Variants in NCOA1 observed in about 807,000 individuals in gnomAD.
NCOA1 encodes Hin-2 protein.
In NCOA1, 35 loss-of-function variants were observed where a neutral mutation model predicts 150.9. The observed-to-expected ratio is 0.23, with a 90% CI of 0.18 to 0.31. NCOA1 has a LOEUF of 0.31. NCOA1 is among the 10% of genes least tolerant of loss of function. The probability of loss-of-function intolerance (pLI) is 1.00; values close to 1 mark genes in which losing one functional copy is unlikely to be tolerated. For synonymous variants in NCOA1, 590 were observed against 630.0 expected (o/e 0.94, Z 0.95); for missense variants, 1,491 against 1,749.3 (o/e 0.85, Z 2.63).
chr2:24,680,952 C>A (rs1302106337), intron 7 of NCOA1, among the ~76,000 whole-genome samples: 1 of 151,966 alleles, frequency 6.6e-6, no homozygotes, highest in Non-Finnish European at 1.5e-5. Flanking sequence ...TTACGATAGT[C>A]ATTTTTAAAT....
intron 2 of NCOA1, among the ~76,000 whole-genome samples, chr2:24,565,605 G>A (rs1464900741): frequency 2.6e-5 from 4 of 152,342 alleles, no homozygotes; most frequent in Middle Eastern, 3.4e-3. Context: ...AGAAACTTCT[G>A]TGGCTGGTGG....
At chr2:24,628,203 G>A (rs1669519548) in intron 3 of NCOA1, among the ~76,000 whole-genome samples, 2 of 151,984 alleles carry the variant, frequency 1.3e-5, no homozygotes, top group African/African-American at 2.4e-5. Flanking sequence ...GGGACGCTGA[G>A]GCAGGAGAAT....
chr2:24,599,551 G>A (rs1359735380), intron 3 of NCOA1, among the ~76,000 whole-genome samples: 2 of 152,048 alleles, frequency 1.3e-5, no homozygotes, highest in Non-Finnish European at 2.9e-5. Context: ...TTATACGTAG[G>A]ATTTTTAAAA....
At chr2:24,665,117 G>A (rs1671356973) in intron 5 of NCOA1, among the ~76,000 whole-genome samples, 1 of 151,922 alleles carries the variant, frequency 6.6e-6, no homozygotes. Context: ...TTTGTTTATT[G>A]CATTTATAGG....
intron 6 of NCOA1, among the ~76,000 whole-genome samples, chr2:24,667,733 C>G (rs2148509735): frequency 6.6e-6 from 1 of 152,318 alleles, no homozygotes; most frequent in African/African-American, 2.4e-5. Context: ...GGCAGGCACA[C>G]TCTGCCCCTG....
chr2:24,661,271 T>A (rs72796102), intron 5 of NCOA1, among the ~76,000 whole-genome samples: 26 of 152,324 alleles, frequency 1.7e-4, no homozygotes, highest in Non-Finnish European at 3.1e-4. Context: ...GATAAACTGA[T>A]CACCTTTTTT....
intron 3 of NCOA1, among the ~76,000 whole-genome samples, chr2:24,619,982 C>G (rs1305876211): frequency 6.6e-6 from 1 of 152,088 alleles, no homozygotes; most frequent in Non-Finnish European, 1.5e-5. Flanking sequence ...TGGCCACATC[C>G]TACCTCTTCC....
intron 1 of NCOA1, among the ~76,000 whole-genome samples, chr2:24,523,299 G>T (rs1454304998): frequency 1.3e-5 from 2 of 152,032 alleles, no homozygotes; most frequent in South Asian, 4.2e-4. Context: ...TACATCATGG[G>T]TACCATTGTT....
chr2:24,737,341 A>T (rs1245559178), intron 17 of NCOA1, among the ~76,000 whole-genome samples: 1 of 152,178 alleles, frequency 6.6e-6, no homozygotes, highest in African/African-American at 2.4e-5. Flanking sequence ...AACAAGGGTT[A>T]ATTCAAGGGC....
chr2:24,514,285 C>CAA lies in NCOA1; in HGVS notation c.-396+22703_-396+22704dup, dbSNP rs57412614. ...TGGGCAACAGAGTGAGACTCTGTCT[C>CAA]AAAAAAAAAAAAAAAAAAAAAGGAA... On this transcript the variant is annotated intron_variant, in intron 1 of 22. Coordinates refer to ENST00000348332, the MANE Select transcript of NCOA1 (RefSeq NM_003743.5). 9.2e-3 allele frequency among the ~76,000 whole-genome samples: 301 copies of CAA among 32,562 alleles called. 10 individuals carry two copies. Among genetic ancestry groups the CAA allele is most frequent in the Non-Finnish European group, 0.011 (191 of 17,722 alleles). 21.4% of individuals were successfully genotyped at this position (32,562 alleles called of 152,430 possible). A position where few individuals can be genotyped will look rare whatever the true frequency, so the allele number is the denominator to read the frequency against.
intron 1 of NCOA1, among the ~76,000 whole-genome samples, chr2:24,492,483 A>T (rs113947563): frequency 1.3e-5 from 2 of 152,254 alleles, no homozygotes; most frequent in African/African-American, 4.8e-5. Flanking sequence ...CAGTCTGACG[A>T]CGTTAGAGGG....
At chr2:24,524,560 G>A (rs190581762) in intron 1 of NCOA1, among the ~76,000 whole-genome samples, 18 of 152,232 alleles carry the variant, frequency 1.2e-4, no homozygotes, top group Non-Finnish European at 2.6e-4. Context: ...CTCCCAAAAT[G>A]CTAAGATTAT....
intron 5 of NCOA1, among the ~76,000 whole-genome samples, chr2:24,663,816 G>T (rs1323507543): frequency 6.6e-6 from 1 of 152,018 alleles, no homozygotes; most frequent in Non-Finnish European, 1.5e-5. Flanking sequence ...TTAGCTTCTT[G>T]CTTTCTCTAT....
At chr2:24,611,568 G>A (rs1165398274) in intron 3 of NCOA1, among the ~76,000 whole-genome samples, 1 of 152,154 alleles carries the variant, frequency 6.6e-6, no homozygotes. Context: ...CACTAAAAAT[G>A]TATAAGCATT....
At position 24,707,256 on chromosome 2, in the gene NCOA1, A is replaced by G. The variant is rs371097965; in HGVS notation, c.1786A>G (p.Ile596Val). Residue 596 changes from isoleucine to valine, a missense_variant, in exon 13 of 23, where the codon ATT (isoleucine) becomes GTT (valine). Transcript: ENST00000348332. ...GATTGCCTCAATTTTAAATGAAATG[A>G]TTCAATCTGACAACAGCTCTAGTGA... The part of the protein sequence containing the change: ...KEIASILNEM[I>V]QSDNSSSDGK... 26 of 1,614,226 alleles carry G rather than the reference A, an allele frequency of 1.6e-5. No homozygotes were observed. The highest frequency in any genetic ancestry group is 1.4e-5 in the Non-Finnish European group (16 of 1,180,034).
At chr2:24,550,159 A>C (rs1004189825) in intron 1 of NCOA1, among the ~76,000 whole-genome samples, 1 of 152,090 alleles carries the variant, frequency 6.6e-6, no homozygotes, top group Non-Finnish European at 1.5e-5. Context: ...AAAGTTTGAA[A>C]CTTTCCCACA....
chr2:24,499,898 T>C (rs1201370677), intron 1 of NCOA1, among the ~76,000 whole-genome samples: 1 of 152,256 alleles, frequency 6.6e-6, no homozygotes, highest in Admixed American at 6.5e-5. Flanking sequence ...CTGAATGTGC[T>C]GTGGTGTGTC....
chr2:24,742,127 A>T lies in NCOA1; in HGVS notation c.3647A>T (p.Gln1216Leu). The T allele has an allele frequency of 1.2e-6, 2 of 1,614,150 alleles. No individual in the cohort carries two copies. Among genetic ancestry groups the T allele is most frequent in the Non-Finnish European group, 1.7e-6 (2 of 1,179,982 alleles). ...SRGMTGNIGG[Q>L]FGTGINPQMQ... Reference sequence around the variant, plus strand: ...GGCATGACAGGAAACATAGGAGGACAGTTTGGCACTGGAATCAATCCTCAG... The same window carrying T: ...GGCATGACAGGAAACATAGGAGGACTGTTTGGCACTGGAATCAATCCTCAG... Residue 1216 changes from glutamine to leucine, a missense_variant, in exon 19 of 23, where the codon CAG (glutamine) becomes CTG (leucine). Physicochemically the swap from Gln to Leu is moderately radical, Grantham distance 113 (BLOSUM62 -2). Coordinates refer to ENST00000348332, the MANE Select transcript of NCOA1 (RefSeq NM_003743.5).
intron 6 of NCOA1, among the ~76,000 whole-genome samples, chr2:24,672,373 T>C (rs1460541525): frequency 6.6e-6 from 1 of 152,138 alleles, no homozygotes; most frequent in East Asian, 1.9e-4. Context: ...TATAATTTTC[T>C]GTATTTTTTG....
Sources: allele counts gnomAD v4.1 joint callset (sites outside exome capture counted in the v4.1 genomes callset), GRCh38; gene constraint gnomAD v4.1.1; transcripts MANE v1.5; gene names NCBI Gene and HGNC (gene_info 2026-07-23, HGNC 2026-07-21).